PEDS1: variants seen among roughly 807,000 people sequenced by gnomAD.
PEDS1 encodes plasmanylethanolamine desaturase 1, also known as CarF homolog.
A neutral mutation model predicts 35.2 loss-of-function variants in PEDS1; 14 were observed. The ratio of observed to expected loss-of-function variants is 0.40; its 90% CI spans 0.26 to 0.62. The LOEUF (loss-of-function observed/expected upper bound fraction) is 0.62. PEDS1 is among the 20% of genes least tolerant of loss of function. The probability of loss-of-function intolerance (pLI) is 0.44; values close to 1 mark genes in which losing one functional copy is unlikely to be tolerated. For synonymous variants in PEDS1, 152 were observed against 152.0 expected (o/e 1.00, Z 0.00); for missense variants, 260 against 367.8 (o/e 0.71, Z 2.40).
In PEDS1 at chr20:50,143,611, G is replaced by C; in HGVS notation, c.132C>G (p.Leu44=). The C allele has an allele frequency of 6.2e-7, 1 of 1,614,104 alleles. No homozygotes were observed. The highest frequency in any genetic ancestry group is 1.7e-5 in the Admixed American group (1 of 60,020). ...ACAGGATCACAGAGCACCACTCCTGGAGGCGCTTGCCTGCAGGGAGCAGAG... is the reference window on the plus strand; with the variant it reads ...ACAGGATCACAGAGCACCACTCCTGCAGGCGCTTGCCTGCAGGGAGCAGAG... ...LAALYSPGKR[L]QEWCSVILCF... is the part of the protein sequence containing the mutation. Residue 44 remains leucine, a synonymous_variant, in exon 2 of 6, where the codon CTC becomes CTG. Transcript: ENST00000371652.
In PEDS1 at chr20:50,143,574, T is replaced by C. The variant is rs772456054; in HGVS notation, c.169A>G (p.Ile57Val). ...WCSVILCFSL[I>V]AHNLVHLLLL... is the part of the protein sequence containing the mutation. ...AGGAGATGGACCAGGTTGTGGGCGA[T>C]GAGGCTGAAGCACAGGATCACAGAG... Residue 57 changes from isoleucine (I) to valine (V), a missense_variant, in exon 2 of 6, where the codon ATC (isoleucine) becomes GTC (valine). Coordinates refer to ENST00000371652, the MANE Select transcript of PEDS1 (RefSeq NM_199129.4). 1.2e-5 allele frequency: 19 copies of C among 1,613,878 alleles called. No individual in the cohort carries two copies. The Admixed American group carries it at 2.2e-4, about 18-fold the overall frequency.
rs148268536 is a variant in PEDS1, at chr20:50,136,163, T to C, written c.242-5216A>G. Among the ~76,000 whole-genome samples the C allele has an allele frequency of 1.9e-4, 29 of 152,324 alleles. No homozygotes were observed. The East Asian group carries it at 5.4e-3, about 28-fold the overall frequency. ...CCAGGCCCCGTGCCAACGCCTTAAA[T>C]GTTTTATCTCCTTTAATCCCTGAAT... On this transcript the variant is annotated intron_variant, in intron 2 of 5. Transcript: ENST00000371652.
chr20:50,143,392 G>A, intron 2 of PEDS1, 110 bp downstream of exon 2: 1 of 1,499,114 alleles, frequency 6.7e-7, no homozygotes, highest in Non-Finnish European at 9.0e-7. Context: ...GGCACATACT[G>A]GACTCAAGCA....
In PEDS1 at chr20:50,128,214, G is replaced by A. The variant is rs772398533; in HGVS notation, c.479-27C>T. 1.4e-5 allele frequency: 23 copies of A among 1,612,242 alleles called. No homozygotes were observed. The highest frequency in any genetic ancestry group is 2.0e-5 in the Non-Finnish European group (23 of 1,179,196). On this transcript the variant is annotated intron_variant, in intron 4 of 5. Transcript: ENST00000371652. This position sits in a 1 kb window ranked among gnomAD's most constrained non-coding sequence, Gnocchi z 5.2. The stretch of plus-strand genomic sequence containing the variant: ...TGCAGGTTGGGGAGAGGGGGGGCCG[G>A]CACAGCTGTCACTCGGGACGGGGAA...
At chr20:50,126,967 A>G (rs954802607) in intron 5 of PEDS1, among the ~76,000 whole-genome samples, 8 of 151,340 alleles carry the variant, frequency 5.3e-5, no homozygotes, top group Admixed American at 1.3e-4. Flanking sequence ...TCCCTCTTCC[A>G]CTGCTCTGCC....
At chr20:50,145,416 C>T (rs1456311910) in intron 1 of PEDS1, among the ~76,000 whole-genome samples, 1 of 151,788 alleles carries the variant, frequency 6.6e-6, no homozygotes. Context: ...GAAATAAGGC[C>T]GGGTGCAGTG....
In PEDS1 at chr20:50,153,502, G is replaced by T. The variant is rs946505353; in HGVS notation, c.121+15C>A. 2.2e-6 allele frequency: 3 copies of T among 1,367,952 alleles called. No individual in the cohort carries two copies. Among genetic ancestry groups the T allele is most frequent in the Non-Finnish European group, 2.9e-6 (3 of 1,051,968 alleles). The allele number at this position is 1,367,952 out of a possible 1,614,324, so 84.7% of individuals were successfully genotyped here. A position where few individuals can be genotyped will look rare whatever the true frequency, so the allele number is the denominator to read the frequency against. Reference sequence around the variant, plus strand: ...CTGGTGACCGCAGGCCTGGAGGGGGGCCCAGAGGTCTTACCTGGCGAGTAG... The same window carrying T: ...CTGGTGACCGCAGGCCTGGAGGGGGTCCCAGAGGTCTTACCTGGCGAGTAG... On this transcript the variant is annotated intron_variant, in intron 1 of 5. Transcript: ENST00000371652.
intron 1 of PEDS1, chr20:50,151,332 A>G: frequency 7.8e-7 from 1 of 1,284,808 alleles, no homozygotes; most frequent in African/African-American, 1.5e-5. Flanking sequence ...GAAACCAGAA[A>G]TGGACAAATA....
intron 3 of PEDS1, 21 bp downstream of exon 3, chr20:50,130,835 T>C (rs1456310810): frequency 6.2e-7 from 1 of 1,613,586 alleles, no homozygotes; most frequent in Non-Finnish European, 8.5e-7. Flanking sequence ...CTTGAGGACA[T>C]GGTTAGGTCA....
chr20:50,129,775 G>A lies in PEDS1; in HGVS notation c.334-85C>T. 5.8e-6 allele frequency: 9 copies of A among 1,558,780 alleles called. No individual in the cohort carries two copies. The South Asian group carries it at 8.2e-5, about 14-fold the overall frequency. ...AGCCCCCTAAACACATTCACCCTGG[G>A]CTCACCTCCCGCCTTTGATCCTAAG... is the stretch of plus-strand genomic sequence containing the variant. On this transcript the variant is annotated intron_variant, in intron 3 of 5. Transcript: ENST00000371652. The surrounding 1 kb of genome is among the most constrained non-coding windows in gnomAD (Gnocchi z 4.2).
chr20:50,136,722 C>CAAAAA (rs34195813), intron 2 of PEDS1, among the ~76,000 whole-genome samples: 1 of 70,118 alleles, frequency 1.4e-5, no homozygotes. Context: ...GACTCTGCCT[C>CAAAAA]AAAAAAAAAA....
In PEDS1 at chr20:50,122,934, TA is replaced by T. The variant is rs11416444; in HGVS notation, c.*2123del. On this transcript the variant is annotated 3_prime_UTR_variant, in exon 6 of 6. Transcript: ENST00000371652. Reference sequence around the variant, plus strand: ...ACAACATAGTGAGACCCCATTTCTTTAAAAAAAAAAAAAAATAGCCAAGCCA... The same window carrying T: ...ACAACATAGTGAGACCCCATTTCTTTAAAAAAAAAAAAAATAGCCAAGCCA... 1.9e-3 allele frequency: 271 copies of T among 143,672 alleles called. 1 individual carries two copies. The highest frequency in any genetic ancestry group is 1.9e-3 in the Non-Finnish European group (123 of 65,782). The allele number at this position is 143,672 out of a possible 1,614,324, so 8.9% of individuals were successfully genotyped here.
chr20:50,153,673 G>A lies in PEDS1; in HGVS notation c.-36C>T. ...CCGATCGGCCCGGTGCGCTCTGCTG[G>A]CGGCGGCGGCGGCAGGGCCGCGGAA... On this transcript the variant is annotated 5_prime_UTR_variant, in exon 1 of 6. Coordinates refer to ENST00000371652, the MANE Select transcript of PEDS1 (RefSeq NM_199129.4). 1 of 1,199,380 alleles carries A rather than the reference G, an allele frequency of 8.3e-7. No homozygotes were observed. Among genetic ancestry groups the A allele is most frequent in the Non-Finnish European group, 1.0e-6 (1 of 967,542 alleles). The allele number at this position is 1,199,380 out of a possible 1,614,324, so 74.3% of individuals were successfully genotyped here. A position where few individuals can be genotyped will look rare whatever the true frequency, so the allele number is the denominator to read the frequency against.
At chr20:50,146,993 G>A (rs2081351852) in intron 1 of PEDS1, among the ~76,000 whole-genome samples, 1 of 152,208 alleles carries the variant, frequency 6.6e-6, no homozygotes, top group African/African-American at 2.4e-5. Flanking sequence ...AGTGGGTGGG[G>A]TGGGAGGACA....
chr20:50,149,655 T>C (rs2081381966), intron 1 of PEDS1, among the ~76,000 whole-genome samples: 1 of 152,022 alleles, frequency 6.6e-6, no homozygotes, highest in South Asian at 2.1e-4. Flanking sequence ...CCTGTCACCA[T>C]TCCCTCAGCC....
At chr20:50,138,468 G>A (rs1283399970) in intron 2 of PEDS1, among the ~76,000 whole-genome samples, 1 of 152,192 alleles carries the variant, frequency 6.6e-6, no homozygotes, top group Non-Finnish European at 1.5e-5. Context: ...GGGCCCGGTG[G>A]GTCCCACGAC....
At chr20:50,126,949 TTC>T in intron 5 of PEDS1, among the ~76,000 whole-genome samples, 2 of 152,284 alleles carry the variant, frequency 1.3e-5, no homozygotes, top group South Asian at 4.2e-4. Flanking sequence ...CTCTGCCCCC[TTC>T]TCTCCTCCCT....
chr20:50,143,658 G>C, intron 1 of PEDS1, 37 bp from the exon 2 acceptor site: 2 of 1,611,690 alleles, frequency 1.2e-6, no homozygotes, highest in East Asian at 2.2e-5. Context: ...AGGCTGGAAG[G>C]TCAAGGCCAG....
chr20:50,149,894 G>GT (rs2081385284), intron 1 of PEDS1, among the ~76,000 whole-genome samples: 3 of 152,114 alleles, frequency 2.0e-5, no homozygotes, highest in African/African-American at 7.2e-5. Context: ...GCTGCCCGGT[G>GT]CCCCGCCGTA....
Sources: allele counts gnomAD v4.1 joint callset (sites outside exome capture counted in the v4.1 genomes callset), GRCh38; gene constraint gnomAD v4.1.1; non-coding constraint Gnocchi (gnomAD v3.1); transcripts MANE v1.5; gene names NCBI Gene and HGNC (gene_info 2026-07-23, HGNC 2026-07-21).